Variants in GPM6A observed in about 807,000 individuals in gnomAD.
GPM6A encodes the protein neuronal membrane glycoprotein M6-a.
GPM6A carries 7 observed loss-of-function variants against 32.1 expected under a neutral mutation model. The ratio of observed to expected loss-of-function variants is 0.22; its 90% CI spans 0.12 to 0.41. The LOEUF (loss-of-function observed/expected upper bound fraction) is 0.41, where lower values mean the gene tolerates loss of function less well. Ranked by LOEUF, GPM6A falls within the 10% of genes least tolerant of loss-of-function variation. The pLI is 1.00. For synonymous variants in GPM6A, 130 were observed against 123.4 expected (o/e 1.05, Z -0.35); for missense variants, 235 against 347.2 (o/e 0.68, Z 2.57).
chr4:175,980,216 G>A (rs1445427628), intron 1 of GPM6A, among the ~76,000 whole-genome samples: 1 of 152,102 alleles, frequency 6.6e-6, no homozygotes, highest in Non-Finnish European at 1.5e-5. Context: ...AAATAGCTGG[G>A]CGTGGTGGCA....
chr4:175,964,269 C>G (rs1468330525), intron 1 of GPM6A, among the ~76,000 whole-genome samples: 1 of 148,876 alleles, frequency 6.7e-6, no homozygotes, highest in Non-Finnish European at 1.5e-5. Flanking sequence ...AAAACTACAC[C>G]AAACTCTATG....
At chr4:175,909,444 T>G (rs1489572745) in intron 1 of GPM6A, among the ~76,000 whole-genome samples, 2 of 152,174 alleles carry the variant, frequency 1.3e-5, no homozygotes, top group African/African-American at 4.8e-5. Context: ...TACTTATTCA[T>G]GAGTAAACTG....
intron 1 of GPM6A, among the ~76,000 whole-genome samples, chr4:175,744,476 G>C (rs1732017828): frequency 1.3e-5 from 2 of 151,976 alleles, no homozygotes; most frequent in South Asian, 2.1e-4. Flanking sequence ...ATAAAAATAA[G>C]ATGGACAATC....
At chr4:175,909,051 G>GGC (rs1560989283) in intron 1 of GPM6A, among the ~76,000 whole-genome samples, 1 of 79,468 alleles carries the variant, frequency 1.3e-5, no homozygotes, top group African/African-American at 4.1e-5. Context: ...GCGGGGGGGG[G>GGC]GCAACTAGCT....
At chr4:175,877,347 C>A (rs887508070) in intron 1 of GPM6A, among the ~76,000 whole-genome samples, 2 of 152,148 alleles carry the variant, frequency 1.3e-5, no homozygotes, top group Non-Finnish European at 2.9e-5. Context: ...GTGTTCTAGA[C>A]TCAAAGCAAG....
intron 1 of GPM6A, among the ~76,000 whole-genome samples, chr4:175,719,447 T>G (rs1346401243): frequency 6.6e-6 from 1 of 152,106 alleles, no homozygotes; most frequent in Non-Finnish European, 1.5e-5. Context: ...TAACACAAAA[T>G]TTTAAGCCAT....
rs559982756 is a variant in GPM6A, at chr4:175,684,061, C to G, written c.231-10225G>C. Among the ~76,000 whole-genome samples the G allele has an allele frequency of 5.9e-5, 9 of 152,060 alleles. No individual in the cohort carries two copies. In the South Asian group the frequency reaches 1.0e-3, roughly 17 times the overall value. ...GGCCAGGCTGGTCTCAAACTCCTGACCTCGTGATCCACCTGCCTCTGCCTC... is the reference window on the plus strand; with the variant it reads ...GGCCAGGCTGGTCTCAAACTCCTGAGCTCGTGATCCACCTGCCTCTGCCTC... On this transcript the variant is annotated intron_variant, in intron 2 of 6. Coordinates refer to ENST00000393658, the MANE Select transcript of GPM6A (RefSeq NM_201591.3).
At chr4:175,711,030 T>C (rs1007674745) in intron 1 of GPM6A, among the ~76,000 whole-genome samples, 1 of 152,074 alleles carries the variant, frequency 6.6e-6, no homozygotes, top group Non-Finnish European at 1.5e-5. Context: ...TCCCTGAACT[T>C]CTCCTTTAAC....
chr4:175,908,976 G>A (rs1467397443), intron 1 of GPM6A, among the ~76,000 whole-genome samples: 3 of 132,740 alleles, frequency 2.3e-5, no homozygotes, highest in South Asian at 2.4e-4. Flanking sequence ...GCTCTTGAAC[G>A]AGGATGCTCC....
chr4:175,763,064 T>C (rs1447305484), intron 1 of GPM6A, among the ~76,000 whole-genome samples: 1 of 152,230 alleles, frequency 6.6e-6, no homozygotes, highest in African/African-American at 2.4e-5. Context: ...GTGAATGTTA[T>C]ATGTAAAATA....
chr4:175,936,179 G>T (rs900273680), intron 1 of GPM6A, among the ~76,000 whole-genome samples: 4 of 150,452 alleles, frequency 2.7e-5, no homozygotes, highest in Non-Finnish European at 4.4e-5. Flanking sequence ...GGTGGCGGGC[G>T]CCTGTAGTTC....
chr4:175,742,293 G>A (rs1218481629), intron 1 of GPM6A, among the ~76,000 whole-genome samples: 2 of 151,994 alleles, frequency 1.3e-5, no homozygotes, highest in East Asian at 3.9e-4. Context: ...TTCTAGAGTA[G>A]CTGTGAATTC....
At chr4:175,877,990 C>T (rs1455869881) in intron 1 of GPM6A, among the ~76,000 whole-genome samples, 1 of 152,162 alleles carries the variant, frequency 6.6e-6, no homozygotes, top group Admixed American at 6.5e-5. Context: ...AAAAAGGGGG[C>T]TACAGGCCCC....
At chr4:175,689,675 A>G (rs1744186536) in intron 2 of GPM6A, among the ~76,000 whole-genome samples, 1 of 152,190 alleles carries the variant, frequency 6.6e-6, no homozygotes, top group South Asian at 2.1e-4. Flanking sequence ...CTGTCTGGAT[A>G]TTCTATCCAT....
At chr4:175,868,057 C>T (rs1232155664) in intron 1 of GPM6A, among the ~76,000 whole-genome samples, 4 of 152,280 alleles carry the variant, frequency 2.6e-5, no homozygotes, top group South Asian at 2.1e-4. Context: ...GCCTTGTCCC[C>T]GTGACTCGGT....
At chr4:175,894,643 G>A (rs901267621) in intron 1 of GPM6A, among the ~76,000 whole-genome samples, 3 of 152,020 alleles carry the variant, frequency 2.0e-5, no homozygotes, top group Non-Finnish European at 4.4e-5. Context: ...CAAACAACAA[G>A]AATACAAGGA....
intron 1 of GPM6A, among the ~76,000 whole-genome samples, chr4:175,762,458 T>G (rs1178205353): frequency 6.6e-6 from 1 of 152,182 alleles, no homozygotes; most frequent in Non-Finnish European, 1.5e-5. Context: ...AGGGGTAAAT[T>G]CACTATATTT....
intron 1 of GPM6A, among the ~76,000 whole-genome samples, chr4:175,935,863 AG>A (rs1739202507): frequency 1.3e-5 from 2 of 152,174 alleles, no homozygotes; most frequent in South Asian, 4.1e-4. Flanking sequence ...AAAAAGTGCA[AG>A]GAGAGGGGAT....
chr4:175,648,120 T>TA (rs71595483), intron 4 of GPM6A, among the ~76,000 whole-genome samples: 68 of 150,766 alleles, frequency 4.5e-4, no homozygotes, highest in Admixed American at 2.2e-3. Flanking sequence ...TTTCTTTTTT[T>TA]AAAAAAAAAA....
Sources: gnomAD v4.1 joint callset for allele counts (sites outside exome capture counted in the v4.1 genomes callset) on GRCh38, gnomAD v4.1.1 for gene constraint, MANE v1.5 for transcripts, NCBI Gene and HGNC (gene_info 2026-07-23, HGNC 2026-07-21) for gene names.